GINS4: variants seen among roughly 807,000 people sequenced by gnomAD.
The protein encoded by GINS4 is GINS complex subunit 4.
GINS4 carries 20 observed loss-of-function variants against 31.1 expected under a neutral mutation model. That is an observed-to-expected ratio of 0.64 (90% CI 0.45 to 0.93). The LOEUF (loss-of-function observed/expected upper bound fraction) is 0.93. GINS4 is among the 40% of genes least tolerant of loss of function. GINS4 has a pLI of 0.00. For missense variants in GINS4, 245 were observed against 273.9 expected (o/e 0.89, Z 0.75); for synonymous variants, 85 against 97.9 (o/e 0.87, Z 0.78).
At chr8:41,539,638 T>A (rs1443782973) in intron 4 of GINS4, 40 bp from the exon 5 acceptor site, 1 of 1,388,580 alleles carries the variant, frequency 7.2e-7, no homozygotes, top group Admixed American at 1.7e-5. Flanking sequence ...TCTTTGACTT[T>A]TGCCAATGTT....
rs1220886438 is a variant in GINS4, at chr8:41,542,885, C to G, written c.*798C>G. On this transcript the variant is annotated 3_prime_UTR_variant, in exon 8 of 8. Transcript: ENST00000276533. The stretch of plus-strand genomic sequence containing the variant: ...CGTGTCAGTAGATGGGGCCATTGTA[C>G]TGTTTGTTCTGCACACTTGGCGGAG... The G allele has an allele frequency of 6.6e-6, 1 of 152,242 alleles. No individual in the cohort carries two copies. Among genetic ancestry groups the G allele is most frequent in the East Asian group, 1.9e-4 (1 of 5,198 alleles). 9.4% of individuals were successfully genotyped at this position (152,242 alleles called of 1,614,324 possible).
chr8:41,542,235 T>G lies in GINS4; in HGVS notation c.*148T>G. 1.6e-6 allele frequency: 1 copy of G among 637,496 alleles called. No individual in the cohort carries two copies. 39.5% of individuals were successfully genotyped at this position (637,496 alleles called of 1,614,324 possible). A position where few individuals can be genotyped will look rare whatever the true frequency, so the allele number is the denominator to read the frequency against. ...ATCTTTACTAAAAATACAAAATAAT[T>G]AGCCGGGTGTTGGTGGTGTGCACCT... On this transcript the variant is annotated 3_prime_UTR_variant, in exon 8 of 8. Coordinates refer to ENST00000276533, the MANE Select transcript of GINS4 (RefSeq NM_032336.3).
Position 41,543,628 on chromosome 8 carries a change from A to T in GINS4, c.*1541A>T, listed in dbSNP as rs944416544. 6.6e-6 allele frequency: 1 copy of T among 152,110 alleles called. No individual in the cohort carries two copies. 9.4% of individuals were successfully genotyped at this position (152,110 alleles called of 1,614,324 possible). On this transcript the variant is annotated 3_prime_UTR_variant, in exon 8 of 8. Transcript: ENST00000276533. ...GTTGGCAGATTTCCATTTGCAGGGT[A>T]TGGGCTGCGAGAGTAATCAGGGTAA...
In GINS4 at chr8:41,543,300, C is replaced by G. The variant is rs779520362; in HGVS notation, c.*1213C>G. On this transcript the variant is annotated 3_prime_UTR_variant, in exon 8 of 8. Transcript: ENST00000276533. Reference sequence around the variant, plus strand: ...TGTAGTTTAATGAAGTATGTGCTCCCTGCTGTTAACCCGCAGCCCTCCCCA... The same window carrying G: ...TGTAGTTTAATGAAGTATGTGCTCCGTGCTGTTAACCCGCAGCCCTCCCCA... The G allele has an allele frequency of 3.3e-5, 5 of 152,234 alleles. No homozygotes were observed. The highest frequency in any genetic ancestry group is 5.9e-5 in the Non-Finnish European group (4 of 68,042). The allele number at this position is 152,234 out of a possible 1,614,324, so 9.4% of individuals were successfully genotyped here. A position where few individuals can be genotyped will look rare whatever the true frequency, so the allele number is the denominator to read the frequency against.
At position 41,534,886 on chromosome 8, in the gene GINS4, G is replaced by A. The variant is rs564828487; in HGVS notation, c.97-1474G>A. On this transcript the variant is annotated intron_variant, in intron 2 of 7. Coordinates refer to ENST00000276533, the MANE Select transcript of GINS4 (RefSeq NM_032336.3). ...CTGGGACTACAGGCGTGCCACGCCC[G>A]GCTAATTTTTTGTATTTTTAGTGGA... 9.9e-5 allele frequency among the ~76,000 whole-genome samples: 15 copies of A among 151,932 alleles called. No homozygotes were observed. In the South Asian group the frequency reaches 1.0e-3, roughly 11 times the overall value.
Position 41,539,962 on chromosome 8 carries a change from C to T in GINS4, c.442C>T (p.His148Tyr), listed in dbSNP as rs145822699. ...CTATCTGAAAAATGTCGCCTTGAAG[C>T]ACATGCCCCCTAACTTACAGAAGGT... ...ESYLKNVALK[H>Y]MPPNLQKVDL... The change falls in exon 6 of 8, where the codon CAC becomes TAC. Residue 148 changes from histidine (H) to tyrosine (Y), a missense_variant. Coordinates refer to ENST00000276533, the MANE Select transcript of GINS4 (RefSeq NM_032336.3). The T allele has an allele frequency of 4.3e-6, 7 of 1,614,150 alleles. No individual in the cohort carries two copies. Among genetic ancestry groups the T allele is most frequent in the Non-Finnish European group, 5.9e-6 (7 of 1,180,002 alleles).
rs758356866 is a variant in GINS4, at chr8:41,542,163, C to T, written c.*76C>T. On this transcript the variant is annotated 3_prime_UTR_variant, in exon 8 of 8. Coordinates refer to ENST00000276533, the MANE Select transcript of GINS4 (RefSeq NM_032336.3). The stretch of plus-strand genomic sequence containing the variant: ...CTTTGGGAGGCCGAGGCGGGCGGAT[C>T]ATGAGGTCAGGAGTTCGAGACCAAC... 9.1e-7 allele frequency: 1 copy of T among 1,103,086 alleles called. No homozygotes were observed. Among genetic ancestry groups the T allele is most frequent in the Non-Finnish European group, 1.4e-6 (1 of 718,612 alleles). 68.3% of individuals were successfully genotyped at this position (1,103,086 alleles called of 1,614,324 possible).
At chr8:41,540,620 C>T (rs35087292) in intron 6 of GINS4, among the ~76,000 whole-genome samples, 1 of 152,070 alleles carries the variant, frequency 6.6e-6, no homozygotes, top group Admixed American at 6.5e-5. Flanking sequence ...AGAGCCCTTA[C>T]CGTCGGATCA....
chr8:41,541,409 T>C (rs1806838816), intron 6 of GINS4, among the ~76,000 whole-genome samples: 1 of 152,138 alleles, frequency 6.6e-6, no homozygotes, highest in African/African-American at 2.4e-5. Context: ...CAGATTGGAT[T>C]AGGGCCCACA....
chr8:41,536,440 G>GC lies in GINS4; in HGVS notation c.178dup (p.His60ProfsTer50). 6.3e-7 allele frequency: 1 copy of GC among 1,599,598 alleles called. No individual in the cohort carries two copies. Among genetic ancestry groups the GC allele is most frequent in the Non-Finnish European group, 8.6e-7 (1 of 1,166,782 alleles). On this transcript the variant is annotated frameshift_variant, in exon 3 of 8. Transcript: ENST00000276533. LOFTEE classifies it high-confidence loss of function. ...TAGAATGTGTCATGGAACAGCTGGA[G>GC]CACATGGTAAGAGTCGCTTGTCTTG...
intron 2 of GINS4, 118 bp downstream of exon 2, chr8:41,530,416 C>T: frequency 1.5e-6 from 1 of 669,372 alleles, no homozygotes; most frequent in Non-Finnish European, 2.6e-6. Context: ...AGAACAGGGA[C>T]TGGATCTTAC....
At chr8:41,532,576 T>C (rs1806664809) in intron 2 of GINS4, among the ~76,000 whole-genome samples, 1 of 152,128 alleles carries the variant, frequency 6.6e-6, no homozygotes, top group Non-Finnish European at 1.5e-5. Context: ...GGCTCACACC[T>C]GTAATCCCAG....
chr8:41,539,852 G>A (rs774531389), intron 5 of GINS4, 64 bp from the exon 6 acceptor site: 2 of 1,582,968 alleles, frequency 1.3e-6, no homozygotes, highest in South Asian at 1.1e-5. Context: ...GTGCGCTGCT[G>A]CCTGCTAACC....
intron 2 of GINS4, among the ~76,000 whole-genome samples, chr8:41,530,853 A>G (rs1164326980): frequency 6.6e-6 from 1 of 152,204 alleles, no homozygotes; most frequent in Non-Finnish European, 1.5e-5. Context: ...TTACACTTAT[A>G]TCTCATGATG....
intron 2 of GINS4, among the ~76,000 whole-genome samples, chr8:41,530,940 T>C (rs1806639808): frequency 1.3e-5 from 2 of 152,156 alleles, no homozygotes; most frequent in Admixed American, 1.3e-4. Flanking sequence ...CTTGAGCAAG[T>C]TAGGGAGTTT....
At chr8:41,540,264 G>A (rs948183165) in intron 6 of GINS4, 8 of 517,668 alleles carry the variant, frequency 1.5e-5, no homozygotes, top group East Asian at 3.5e-5. Flanking sequence ...GCATGGAGCC[G>A]CGTTCGCCTT....
At chr8:41,541,733 ATT>A in intron 6 of GINS4, 74 bp from the exon 7 acceptor site, 1 of 1,155,604 alleles carries the variant, frequency 8.7e-7, no homozygotes, top group Non-Finnish European at 1.3e-6. Context: ...GTGCCATACC[ATT>A]CTTCCCAGCA....
rs779897589 is a variant in GINS4 at position 41,539,759 on chromosome 8, T to G, written c.379T>G (p.Leu127Val). 2 of 1,613,816 alleles carry G rather than the reference T, an allele frequency of 1.2e-6. No homozygotes were observed. The highest frequency in any genetic ancestry group is 1.7e-6 in the Non-Finnish European group (2 of 1,179,926). Residue 127 changes from leucine to valine, a missense_variant, in exon 5 of 8, where the codon TTG becomes GTG. Transcript: ENST00000276533. ...GCCTTCCAGCCTCTCGCCGGAAGAG[T>G]TGGCCTTTGCCAGAGAGTGAGTGAG... is the stretch of plus-strand genomic sequence containing the variant. Reference protein sequence around the residue: ...GEPSSLSPEELAFAREFMANT... With the variant: ...GEPSSLSPEEVAFAREFMANT...
At chr8:41,532,655 C>T (rs534187101) in intron 2 of GINS4, among the ~76,000 whole-genome samples, 1 of 151,854 alleles carries the variant, frequency 6.6e-6, no homozygotes, top group South Asian at 2.1e-4. Flanking sequence ...GCCAACATGG[C>T]GAAACCCCGT....
Sources: gnomAD v4.1 joint callset for allele counts (sites outside exome capture counted in the v4.1 genomes callset) on GRCh38, gnomAD v4.1.1 for gene constraint, MANE v1.5 for transcripts, NCBI Gene and HGNC (gene_info 2026-07-23, HGNC 2026-07-21) for gene names.